Variants in DLGAP3 observed in about 807,000 individuals in gnomAD.
The protein encoded by DLGAP3 is disks large-associated protein 3.
In DLGAP3, 17 loss-of-function variants were observed where a neutral mutation model predicts 81.2. That is an observed-to-expected ratio of 0.21 (90% CI 0.14 to 0.31). DLGAP3 has a LOEUF of 0.31. Ranked by LOEUF, DLGAP3 falls within the 10% of genes least tolerant of loss-of-function variation. DLGAP3 has a pLI of 1.00. For missense variants in DLGAP3, 1,124 were observed against 1,388.0 expected (o/e 0.81, Z 3.02); for synonymous variants, 577 against 587.4 (o/e 0.98, Z 0.26).
At chr1:34,885,862 G>T in intron 6 of DLGAP3, 71 bp from the exon 7 acceptor site, 1 of 1,290,900 alleles carries the variant, frequency 7.7e-7, no homozygotes, top group Non-Finnish European at 1.0e-6. Context: ...GCCCGCGCCC[G>T]ACTCCCACCC....
chr1:34,885,025 G>T lies in DLGAP3; in HGVS notation c.1953C>A (p.Ser651Arg). 1 of 1,613,544 alleles carries T rather than the reference G, an allele frequency of 6.2e-7. No homozygotes were observed. ...TISDSDTENRSRREFHSIGVQ... is the reference protein window; with the variant it reads ...TISDSDTENRRRREFHSIGVQ... ...CGCCAATAGAGTGGAACTCCCTCCG[G>T]CTCCTGTTCTCGGTGTCCGAATCTG... The change falls in exon 8 of 12, where the codon AGC (serine) becomes AGA (arginine). Residue 651 changes from serine (S) to arginine (R), a missense_variant. Physicochemically the swap from Ser to Arg is moderately radical, Grantham distance 110. This residue lies in a region of DLGAP3 where 379 missense variants were observed against 455.7 expected (regional missense o/e 0.83). Coordinates refer to ENST00000373347, the MANE Select transcript of DLGAP3 (RefSeq NM_001080418.3).
At chr1:34,875,282 G>A (rs747838114) in intron 8 of DLGAP3, among the ~76,000 whole-genome samples, 6 of 152,184 alleles carry the variant, frequency 3.9e-5, no homozygotes, top group Non-Finnish European at 7.3e-5. Context: ...CCTCCACAGA[G>A]TTCTCCAGGT....
intron 7 of DLGAP3, among the ~76,000 whole-genome samples, 158 bp from the exon 8 acceptor site, chr1:34,885,221 G>T (rs1639201576): frequency 6.6e-6 from 1 of 152,184 alleles, no homozygotes. Flanking sequence ...TCGGTCACAG[G>T]CCTCAAAGTG....
chr1:34,919,262 G>T (rs946491108), intron 1 of DLGAP3, among the ~76,000 whole-genome samples: 1 of 152,184 alleles, frequency 6.6e-6, no homozygotes, highest in Non-Finnish European at 1.5e-5. Context: ...GAGGATCTTA[G>T]GCCTTGACCA....
chr1:34,921,362 C>A (rs1002288123), intron 1 of DLGAP3, among the ~76,000 whole-genome samples: 8 of 152,226 alleles, frequency 5.3e-5, no homozygotes, highest in Non-Finnish European at 7.3e-5. Flanking sequence ...CCTGTTCCCA[C>A]AGTTGCTCAC....
chr1:34,867,743 G>A lies in DLGAP3; in HGVS notation c.2486-116C>T, dbSNP rs1638908562. 1 of 822,014 alleles carries A rather than the reference G, an allele frequency of 1.2e-6. No homozygotes were observed. Among genetic ancestry groups the A allele is most frequent in the African/African-American group, 1.7e-5 (1 of 60,030 alleles). The allele number at this position is 822,014 out of a possible 1,614,324, so 50.9% of individuals were successfully genotyped here. A position where few individuals can be genotyped will look rare whatever the true frequency, so the allele number is the denominator to read the frequency against. ...GTTGCTTGGCACTGTGTATCCATCA[G>A]TCTCCTCCAGCCCCAGCCCCATCCC... On this transcript the variant is annotated intron_variant, in intron 9 of 11. Transcript: ENST00000373347. The surrounding 1 kb of genome is among the most constrained non-coding windows in gnomAD (Gnocchi z 4.3).
At chr1:34,880,633 A>G (rs1486857523) in intron 8 of DLGAP3, among the ~76,000 whole-genome samples, 3 of 152,076 alleles carry the variant, frequency 2.0e-5, no homozygotes, top group African/African-American at 4.8e-5. Context: ...CGGGAGGTGG[A>G]AGTTGCAGTG....
chr1:34,900,049 C>T lies in DLGAP3; in HGVS notation c.1313+19G>A, dbSNP rs565713363. 2.2e-5 allele frequency: 36 copies of T among 1,607,804 alleles called. No homozygotes were observed. The highest frequency in any genetic ancestry group is 1.2e-4 in the South Asian group (11 of 90,934). ...ATCAGCCTCCTGACCCCGCACCCCC[C>T]GGCCCTCCCTGTCCTTACTTGATCC... On this transcript the variant is annotated intron_variant, in intron 4 of 11. Transcript: ENST00000373347. This position sits in a 1 kb window ranked among gnomAD's most constrained non-coding sequence, Gnocchi z 5.6.
intron 8 of DLGAP3, among the ~76,000 whole-genome samples, chr1:34,872,826 A>G (rs1349812590): frequency 6.6e-6 from 1 of 152,198 alleles, no homozygotes; most frequent in Non-Finnish European, 1.5e-5. Context: ...GGAAAAGGTG[A>G]CAAATGGATT....
At chr1:34,909,578 T>A (rs999915486) in intron 1 of DLGAP3, among the ~76,000 whole-genome samples, 2 of 152,170 alleles carry the variant, frequency 1.3e-5, no homozygotes, top group Non-Finnish European at 2.9e-5. Flanking sequence ...AAATCCCCAG[T>A]GTCCAAATAG....
At chr1:34,906,016 T>TTATTTATTTATATATATATATATATA (rs1553123745) in intron 2 of DLGAP3, among the ~76,000 whole-genome samples, 1 of 64,808 alleles carries the variant, frequency 1.5e-5, no homozygotes, top group Non-Finnish European at 3.4e-5. Context: ...GCCTCTAAAT[T>TTATTTATTTATATATATATATATATA]TATATATATA....
In DLGAP3 at chr1:34,866,315, G is replaced by T; in HGVS notation, c.2722-14C>A. On this transcript the variant is annotated splice_polypyrimidine_tract_variant and intron_variant, in intron 11 of 11. Coordinates refer to ENST00000373347, the MANE Select transcript of DLGAP3 (RefSeq NM_001080418.3). The stretch of plus-strand genomic sequence containing the variant: ...CTTCTTCTCCTCCTGCGGGGCAGAG[G>T]GCGTCGCTGAGCTGGGGCGCCGAAC... 6.6e-7 allele frequency: 1 copy of T among 1,506,280 alleles called. No homozygotes were observed. The allele number at this position is 1,506,280 out of a possible 1,614,324, so 93.3% of individuals were successfully genotyped here.
intron 11 of DLGAP3, 98 bp from the exon 12 acceptor site, chr1:34,866,399 G>A: frequency 4.8e-6 from 5 of 1,035,596 alleles, no homozygotes; most frequent in Non-Finnish European, 6.8e-6. Context: ...TGACGACCGC[G>A]TGGCTCCGAA....
chr1:34,907,299 T>C (rs1639570243), intron 2 of DLGAP3, 56 bp downstream of exon 2: 2 of 152,618 alleles, frequency 1.3e-5, no homozygotes, highest in Admixed American at 6.5e-5. Flanking sequence ...AAACCCATTA[T>C]TCTGGTATGA....
intron 8 of DLGAP3, among the ~76,000 whole-genome samples, chr1:34,879,506 CCA>C (rs1281131551): frequency 6.6e-6 from 1 of 152,162 alleles, no homozygotes; most frequent in Non-Finnish European, 1.5e-5. Flanking sequence ...TGGACAAATA[CCA>C]GTCCCTGGCC....
intron 8 of DLGAP3, among the ~76,000 whole-genome samples, chr1:34,871,813 G>A (rs965734991): frequency 1.1e-4 from 17 of 152,104 alleles, no homozygotes; most frequent in African/African-American, 3.9e-4. Flanking sequence ...CATACTGCCG[G>A]GAACAGAAGG....
intron 8 of DLGAP3, among the ~76,000 whole-genome samples, chr1:34,883,665 C>CCTATCATCCCCTGGAAAGGACA (rs1403706087): frequency 1.3e-5 from 2 of 152,116 alleles, no homozygotes; most frequent in African/African-American, 4.8e-5. Context: ...GTTTAGAAGT[C>CCTATCATCCCCTGGAAAGGACA]ATGCAGGCAA....
rs1423548465 is a variant in DLGAP3, at chr1:34,904,401, T to C, written c.983A>G (p.Lys328Arg). The change falls in exon 3 of 12, where the codon AAG becomes AGG. Residue 328 changes from lysine to arginine, a missense_variant. Around this residue, in one of 9 missense-constraint regions of DLGAP3, gnomAD observed 357 missense variants for 408.8 expected, o/e 0.87. Coordinates refer to ENST00000373347, the MANE Select transcript of DLGAP3 (RefSeq NM_001080418.3). This position sits in a 1 kb window ranked among gnomAD's most constrained non-coding sequence, Gnocchi z 8.1. ...CATCATGGTATGCCAGGCACTTCGC[T>C]TGACCGACTGTCCATCCAGTGACAT... ...MSMSLDGQSV[K>R]RSAWHTMMVS... The C allele has an allele frequency of 6.2e-6, 10 of 1,613,958 alleles. No individual in the cohort carries two copies. The highest frequency in any genetic ancestry group is 8.5e-6 in the Non-Finnish European group (10 of 1,180,028).
chr1:34,900,262 A>G lies in DLGAP3; in HGVS notation c.1119T>C (p.Asp373=). The G allele has an allele frequency of 1.2e-6, 2 of 1,613,900 alleles. No homozygotes were observed. The highest frequency in any genetic ancestry group is 1.7e-6 in the Non-Finnish European group (2 of 1,179,980). ...CACCGGTGGGGTAACCCCCCCAGTC[A>G]TCTTGCGGCACCTGCAGGAACAGGG... is the stretch of plus-strand genomic sequence containing the variant. ...RTYHYLQVPQ[D]DWGGYPTGGK... The change falls in exon 4 of 12, where the codon GAT becomes GAC. Residue 373 remains aspartate (D), a synonymous_variant. Coordinates refer to ENST00000373347, the MANE Select transcript of DLGAP3 (RefSeq NM_001080418.3). This position sits in a 1 kb window ranked among gnomAD's most constrained non-coding sequence, Gnocchi z 5.6.
Sources: gnomAD v4.1 joint callset for allele counts (sites outside exome capture counted in the v4.1 genomes callset) on GRCh38, gnomAD v4.1.1 for gene constraint, gnomAD v4.1.1 regional missense constraint, Gnocchi (gnomAD v3.1) non-coding constraint, MANE v1.5 for transcripts, NCBI Gene and HGNC (gene_info 2026-07-23, HGNC 2026-07-21) for gene names.